EHMT1: variants seen among roughly 807,000 people sequenced by gnomAD.
EHMT1 encodes the protein euchromatic histone lysine methyltransferase 1, also known as histone-lysine N-methyltransferase EHMT1.
In EHMT1, 15 loss-of-function variants were observed where a neutral mutation model predicts 147.2. That is an observed-to-expected ratio of 0.10 (90% CI 0.07 to 0.16). The LOEUF (loss-of-function observed/expected upper bound fraction) is 0.16, where lower values mean the gene tolerates loss of function less well. Among genes scored for constraint, EHMT1 ranks in the 10% least tolerant of loss-of-function variants. The pLI is 1.00. For synonymous variants in EHMT1, 795 were observed against 709.6 expected (o/e 1.12, Z -1.91); for missense variants, 1,587 against 1,772.4 (o/e 0.90, Z 1.88).
chr9:137,777,843 G>A (rs372028424), intron 12 of EHMT1, 39 bp from the exon 13 acceptor site: 74 of 1,609,760 alleles, frequency 4.6e-5, no homozygotes, highest in Middle Eastern at 2.0e-4. Context: ...GCCATGTTTC[G>A]TGTTTTCATA....
At chr9:137,709,402 C>T (rs776363842) in intron 1 of EHMT1, among the ~76,000 whole-genome samples, 7 of 152,178 alleles carry the variant, frequency 4.6e-5, no homozygotes, top group Non-Finnish European at 5.9e-5. Flanking sequence ...CCTGGGCCCC[C>T]CTGCCTTACC....
At chr9:137,768,112 C>T (rs1950329033) in intron 10 of EHMT1, among the ~76,000 whole-genome samples, 1 of 152,096 alleles carries the variant, frequency 6.6e-6, no homozygotes, top group Admixed American at 6.6e-5. Flanking sequence ...ACCATTTAGG[C>T]TCATGCAAGT....
chr9:137,773,877 ACTT>A (rs1022313242), intron 10 of EHMT1, among the ~76,000 whole-genome samples: 8 of 152,288 alleles, frequency 5.3e-5, no homozygotes, highest in South Asian at 2.1e-4. Context: ...TGGGGGGGCT[ACTT>A]CTTGTTTTCT....
intron 8 of EHMT1, among the ~76,000 whole-genome samples, chr9:137,757,636 A>G (rs1351715428): frequency 1.3e-5 from 2 of 152,204 alleles, no homozygotes; most frequent in African/African-American, 4.8e-5. Flanking sequence ...TTTTGTCTAT[A>G]CAGCTTCTCT....
At chr9:137,788,719 C>G (rs548693800) in intron 15 of EHMT1, 1 of 152,166 alleles carries the variant, frequency 6.6e-6, no homozygotes, top group Non-Finnish European at 1.5e-5. Flanking sequence ...GATGGGTAGC[C>G]GTTGGCGGGG....
intron 1 of EHMT1, among the ~76,000 whole-genome samples, chr9:137,656,472 C>T (rs748472645): frequency 3.9e-5 from 6 of 152,226 alleles, no homozygotes; most frequent in East Asian, 1.9e-4. Flanking sequence ...ACTTAGATTT[C>T]GAAGTTTCCT....
Position 137,744,094 on chromosome 9 carries a change from T to C in EHMT1, c.1170+4T>C. The C allele has an allele frequency of 1.2e-6, 2 of 1,613,950 alleles. No homozygotes were observed. Among genetic ancestry groups the C allele is most frequent in the Non-Finnish European group, 1.7e-6 (2 of 1,180,034 alleles). Reference sequence around the variant, plus strand: ...GGAGGCTGATCGCGCCCAGAAGGTATGTGTTGCTGTCTTGGGTGACAGCAC... The same window carrying C: ...GGAGGCTGATCGCGCCCAGAAGGTACGTGTTGCTGTCTTGGGTGACAGCAC... On this transcript the variant is annotated splice_donor_region_variant and intron_variant, in intron 6 of 26. Coordinates refer to ENST00000460843, the MANE Select transcript of EHMT1 (RefSeq NM_024757.5).
At chr9:137,780,656 T>C (rs1588670463) in intron 14 of EHMT1, among the ~76,000 whole-genome samples, 1 of 63,428 alleles carries the variant, frequency 1.6e-5, no homozygotes, top group South Asian at 8.6e-4. Context: ...GGCATCTCAC[T>C]GAGATGTGTG....
intron 1 of EHMT1, among the ~76,000 whole-genome samples, chr9:137,645,155 G>A (rs1327127443): frequency 6.6e-6 from 1 of 152,258 alleles, no homozygotes; most frequent in African/African-American, 2.4e-5. Flanking sequence ...TTACAGGCGT[G>A]AGCCGCCACG....
rs779277999 is a variant in EHMT1 at position 137,800,888 on chromosome 9, A to G, written c.2616A>G (p.Gly872=). The change falls in exon 18 of 27, where the codon GGA becomes GGG. Residue 872 remains glycine (G), a synonymous_variant. Coordinates refer to ENST00000460843, the MANE Select transcript of EHMT1 (RefSeq NM_024757.5). ...GTCCTCTTCCCTGGCAGGATGACGG[A>G]GGCTGGACACCCATGATCTGGGCCA... The part of the protein sequence containing the change: ...GQMDVNCQDD[G]GWTPMIWATE... 23 of 1,613,948 alleles carry G rather than the reference A, an allele frequency of 1.4e-5. No individual in the cohort carries two copies. The Admixed American group carries it at 3.7e-4, about 26-fold the overall frequency.
intron 1 of EHMT1, among the ~76,000 whole-genome samples, chr9:137,680,625 G>C (rs1414198096): frequency 5.9e-5 from 9 of 152,252 alleles, no homozygotes; most frequent in Non-Finnish European, 1.0e-4. Flanking sequence ...TGTCCATTGT[G>C]AGATGGTCCT....
intron 14 of EHMT1, 38 bp downstream of exon 14, chr9:137,779,755 C>T (rs767940424): frequency 2.8e-5 from 45 of 1,606,798 alleles, no homozygotes; most frequent in Non-Finnish European, 3.5e-5. Context: ...ATGCAGCCGG[C>T]CCTGTGGCAC....
At chr9:137,826,115 G>A (rs1588909349) in intron 25 of EHMT1, among the ~76,000 whole-genome samples, 2 of 140,060 alleles carry the variant, frequency 1.4e-5, no homozygotes, top group East Asian at 4.2e-4. Context: ...TGGCGTCAGT[G>A]CTGTGTTGTG....
chr9:137,665,684 T>G (rs925218957), intron 1 of EHMT1, among the ~76,000 whole-genome samples: 1 of 152,206 alleles, frequency 6.6e-6, no homozygotes, highest in African/African-American at 2.4e-5. Context: ...GATTGCTTTG[T>G]GGGATGAGCT....
intron 1 of EHMT1, among the ~76,000 whole-genome samples, chr9:137,700,623 T>A (rs763354912): frequency 3.9e-5 from 6 of 152,158 alleles, no homozygotes; most frequent in African/African-American, 7.2e-5. Context: ...ATTTTGATCA[T>A]GGATTGGGTA....
At chr9:137,764,558 A>G (rs1256605702) in intron 10 of EHMT1, 1 of 152,138 alleles carries the variant, frequency 6.6e-6, no homozygotes, top group East Asian at 1.9e-4. Context: ...CCATTTTACT[A>G]CTGAATAGCA....
chr9:137,674,468 C>T (rs1238224575), intron 1 of EHMT1, among the ~76,000 whole-genome samples: 2 of 152,192 alleles, frequency 1.3e-5, no homozygotes, highest in Non-Finnish European at 2.9e-5. Context: ...GCCAGTGTCC[C>T]CAGATGCCCT....
At position 137,813,130 on chromosome 9, in the gene EHMT1, T is replaced by G. The variant is rs1330826129; in HGVS notation, c.2992T>G (p.Ser998Ala). The change falls in exon 20 of 27, where the codon TCG (serine) becomes GCG (alanine). Residue 998 changes from serine (S) to alanine (A), a missense_variant. Around this residue, in one of 7 missense-constraint regions of EHMT1, gnomAD observed 78 missense variants for 68.9 expected, o/e 1.13. Transcript: ENST00000460843. The surrounding 1 kb of genome is among the most constrained non-coding windows in gnomAD (Gnocchi z 4.9). ...ALQMSKALQD[S>A]APDRPSPVER... ...GCAGATGAGCAAGGCTCTGCAGGAC[T>G]CGGCCCCCGACAGGCCCAGCCCCGT... 1 of 1,612,284 alleles carries G rather than the reference T, an allele frequency of 6.2e-7. No homozygotes were observed. The highest frequency in any genetic ancestry group is 8.5e-7 in the Non-Finnish European group (1 of 1,180,020).
intron 1 of EHMT1, among the ~76,000 whole-genome samples, chr9:137,668,379 A>C (rs1002879829): frequency 6.8e-6 from 1 of 147,904 alleles, no homozygotes; most frequent in South Asian, 2.1e-4. Context: ...TCATCCATCC[A>C]TCCATCTACT....
Sources: allele counts gnomAD v4.1 joint callset (sites outside exome capture counted in the v4.1 genomes callset), GRCh38; gene constraint gnomAD v4.1.1; regional missense constraint gnomAD v4.1.1; non-coding constraint Gnocchi (gnomAD v3.1); transcripts MANE v1.5; gene names NCBI Gene and HGNC (gene_info 2026-07-23, HGNC 2026-07-21).